OPRM1: variants seen among roughly 807,000 people sequenced by gnomAD.
OPRM1 encodes the protein mu-type opioid receptor.
OPRM1 carries 27 observed loss-of-function variants against 31.8 expected under a neutral mutation model. The ratio of observed to expected loss-of-function variants is 0.85; its 90% CI spans 0.63 to 1.17. The LOEUF is 1.17. OPRM1 is among the 50% of genes most tolerant of loss of function. OPRM1 has a pLI of 0.00. For synonymous variants in OPRM1, 196 were observed against 189.9 expected, an observed-to-expected ratio of 1.03 and a Z score of -0.26; for missense variants, 536 against 511.1, an observed-to-expected ratio of 1.05 and a Z score of -0.47.
rs912795268 is a variant in OPRM1, at chr6:154,126,878, G to A, written c.*8157G>A. ...TGTAATTCCAGCACTTTGGGAGGCC[G>A]AGGCGGGCGGAACACAAGGTCAGGA... On this transcript the variant is annotated 3_prime_UTR_variant, in exon 4 of 4. Transcript: ENST00000330432. 5.7e-4 allele frequency among the ~76,000 whole-genome samples: 86 copies of A among 152,156 alleles called. No individual in the cohort carries two copies. Among genetic ancestry groups the A allele is most frequent in the Non-Finnish European group, 1.0e-3 (71 of 68,024 alleles).
At chr6:154,115,684 T>A (rs1355620182) in intron 3 of OPRM1, among the ~76,000 whole-genome samples, 1 of 152,156 alleles carries the variant, frequency 6.6e-6, no homozygotes, top group African/African-American at 2.4e-5. Context: ...TAAATCAGGA[T>A]ATAGAAGTTT....
intron 1 of OPRM1, among the ~76,000 whole-genome samples, chr6:154,019,970 G>A (rs1193235870): frequency 6.6e-6 from 1 of 152,098 alleles, no homozygotes; most frequent in Non-Finnish European, 1.5e-5. Context: ...TTGGGAGCAA[G>A]TGATCCATCC....
chr6:154,207,492 T>C (rs1777598994), intron 3 of OPRM1, among the ~76,000 whole-genome samples: 1 of 152,250 alleles, frequency 6.6e-6, no homozygotes, highest in Non-Finnish European at 1.5e-5. Flanking sequence ...TCAAGATATG[T>C]CTTGTTAAGA....
chr6:154,190,388 T>C (rs1801763442), intron 3 of OPRM1, among the ~76,000 whole-genome samples: 1 of 152,088 alleles, frequency 6.6e-6, no homozygotes, highest in Non-Finnish European at 1.5e-5. Context: ...GGCATATAAA[T>C]AGCAAAAAAG....
At chr6:154,231,191 A>G (rs554178673) in intron 3 of OPRM1, among the ~76,000 whole-genome samples, 1 of 152,332 alleles carries the variant, frequency 6.6e-6, no homozygotes, top group Admixed American at 6.5e-5. Flanking sequence ...AGAAATCTGA[A>G]TTATATTCTT....
At chr6:154,098,979 AG>A (rs1793875081) in intron 3 of OPRM1, among the ~76,000 whole-genome samples, 1 of 152,082 alleles carries the variant, frequency 6.6e-6, no homozygotes, top group African/African-American at 2.4e-5. Context: ...TTCATGATGA[AG>A]AAAAAAAATT....
chr6:154,235,523 C>A (rs1199159923), intron 3 of OPRM1, among the ~76,000 whole-genome samples: 1 of 112,838 alleles, frequency 8.9e-6, no homozygotes, highest in Non-Finnish European at 1.7e-5. Context: ...AAGAGCAAAA[C>A]TCTGTCACAA....
rs763655185 is a variant in OPRM1 at position 154,091,138 on chromosome 6, T to C, written c.830T>C (p.Leu277Pro). The change falls in exon 3 of 4, where the codon CTT becomes CCT. Residue 277 changes from leucine to proline, a missense_variant. Transcript: ENST00000330432. ...LSGSKEKDRNLRRITRMVLVV... is the reference protein window; with the variant it reads ...LSGSKEKDRNPRRITRMVLVV... The stretch of plus-strand genomic sequence containing the variant: ...GGCTCCAAAGAAAAGGACAGGAATC[T>C]TCGAAGGATCACCAGGATGGTGCTG... The C allele has an allele frequency of 6.2e-6, 10 of 1,614,054 alleles. No individual in the cohort carries two copies. In the South Asian group the frequency reaches 1.1e-4, roughly 18 times the overall value.
At position 154,123,293 on chromosome 6, in the gene OPRM1, C is replaced by T. The variant is rs1013465957; in HGVS notation, c.*4572C>T. On this transcript the variant is annotated 3_prime_UTR_variant, in exon 4 of 4. Coordinates refer to ENST00000330432, the MANE Select transcript of OPRM1 (RefSeq NM_000914.5). ...CCACTTTCCTCCCTGCAAGTTCCCA[C>T]GGAGCAGAAAAAAGGAGGAAACTTT... 6.8e-6 allele frequency among the ~76,000 whole-genome samples: 1 copy of T among 146,340 alleles called. No individual in the cohort carries two copies. Among genetic ancestry groups the T allele is most frequent in the Admixed American group, 6.8e-5 (1 of 14,688 alleles).
Position 154,091,283 on chromosome 6 carries a change from T to C in OPRM1, c.975T>C (p.Ala325=). The C allele has an allele frequency of 6.2e-7, 1 of 1,614,208 alleles. No individual in the cohort carries two copies. Among genetic ancestry groups the C allele is most frequent in the Non-Finnish European group, 8.5e-7 (1 of 1,180,042 alleles). The change falls in exon 3 of 4, where the codon GCT becomes GCC. Residue 325 remains alanine (A), a synonymous_variant. Coordinates refer to ENST00000330432, the MANE Select transcript of OPRM1 (RefSeq NM_000914.5). ...CTGTTTCTTGGCACTTCTGCATTGC[T>C]CTAGGTTACACAAACAGCTGCCTCA... ...FQTVSWHFCI[A]LGYTNSCLNP...
At chr6:154,195,635 G>A (rs921535129) in intron 3 of OPRM1, among the ~76,000 whole-genome samples, 1 of 151,860 alleles carries the variant, frequency 6.6e-6, no homozygotes, top group African/African-American at 2.4e-5. Flanking sequence ...TCTTGTCTTG[G>A]GTCCCTGCTC....
intron 3 of OPRM1, chr6:154,093,317 C>G: frequency 6.2e-7 from 1 of 1,613,792 alleles, no homozygotes; most frequent in Non-Finnish European, 8.5e-7. Flanking sequence ...AGCAAGGCTG[C>G]TTGGTTGTGT....
At chr6:154,233,893 C>T (rs970962471) in intron 3 of OPRM1, among the ~76,000 whole-genome samples, 2 of 152,266 alleles carry the variant, frequency 1.3e-5, no homozygotes, top group African/African-American at 2.4e-5. Context: ...CAACCAGCAA[C>T]GAATGGGTCT....
At chr6:154,053,819 G>C (rs956852950) in intron 1 of OPRM1, among the ~76,000 whole-genome samples, 4 of 152,216 alleles carry the variant, frequency 2.6e-5, no homozygotes, top group African/African-American at 7.2e-5. Flanking sequence ...AGTTAAAGGA[G>C]AGTTTAAACT....
rs1175778241 is a variant in OPRM1, at chr6:154,109,790, C to CTGTGTG, written c.1165-8892_1165-8891insGTGTGT. ...TCCCTCTCTCTCTCTCTCTCTCTCT[C>CTGTGTG]TCTGTGTGTGTGTGTGTGTGTGTGT... is the stretch of plus-strand genomic sequence containing the variant. On this transcript the variant is annotated intron_variant, in intron 3 of 3. Coordinates refer to ENST00000330432, the MANE Select transcript of OPRM1 (RefSeq NM_000914.5). Among the ~76,000 whole-genome samples the CTGTGTG allele has an allele frequency of 2.6e-3, 199 of 77,018 alleles. 1 individual carries two copies. The highest frequency in any genetic ancestry group is 8.1e-3 in the African/African-American group (189 of 23,460). 50.5% of individuals were successfully genotyped at this position (77,018 alleles called of 152,430 possible).
chr6:154,102,932 A>C (rs1470712525), intron 3 of OPRM1, among the ~76,000 whole-genome samples: 1 of 150,370 alleles, frequency 6.7e-6, no homozygotes, highest in Non-Finnish European at 1.5e-5. Context: ...AAAAAAAAAA[A>C]AAAACACTCC....
chr6:154,064,098 A>G (rs1784901510), intron 1 of OPRM1, among the ~76,000 whole-genome samples: 1 of 152,096 alleles, frequency 6.6e-6, no homozygotes, highest in African/African-American at 2.4e-5. Context: ...CCAACAGTCC[A>G]TAAGGGTCCT....
chr6:154,171,404 T>C (rs1378388836), intron 3 of OPRM1, among the ~76,000 whole-genome samples: 1 of 152,080 alleles, frequency 6.6e-6, no homozygotes, highest in Non-Finnish European at 1.5e-5. Context: ...TTATATGAAA[T>C]GTCCAGATTA....
chr6:154,198,631 T>C lies in OPRM1; in HGVS notation c.1165-48062T>C, dbSNP rs370030183. ...ATTTACATACTTTTAAAATATTACATACACACACACACACACACACACACA... is the reference window on the plus strand; with the variant it reads ...ATTTACATACTTTTAAAATATTACACACACACACACACACACACACACACA... On this transcript the variant is annotated intron_variant, in intron 3 of 3. Coordinates refer to the OPRM1 transcript ENST00000337049. Among the ~76,000 whole-genome samples, 59 of 146,806 alleles carry C rather than the reference T, an allele frequency of 4.0e-4. 1 individual carries two copies. The highest frequency in any genetic ancestry group is 3.4e-3 in the Admixed American group (49 of 14,544).
Sources: allele counts gnomAD v4.1 joint callset (sites outside exome capture counted in the v4.1 genomes callset), GRCh38; gene constraint gnomAD v4.1.1; transcripts MANE v1.5; gene names NCBI Gene and HGNC (gene_info 2026-07-23, HGNC 2026-07-21).